Variants in TAFA4 observed in about 807,000 individuals in gnomAD.
TAFA4 encodes TAFA chemokine like family member 4, also known as chemokine-like protein TAFA-4.
A neutral mutation model predicts 21.1 loss-of-function variants in TAFA4; 20 were observed. The ratio of observed to expected loss-of-function variants is 0.95; its 90% CI spans 0.67 to 1.38. The LOEUF is 1.38. Ranked by LOEUF, TAFA4 falls within the 40% of genes most tolerant of loss-of-function variation. The pLI, the probability that TAFA4 is intolerant of heterozygous loss-of-function variation, is 0.00. For synonymous variants in TAFA4, 71 were observed against 67.4 expected, an observed-to-expected ratio of 1.05 and a Z score of -0.26; for missense variants, 211 against 180.9, an observed-to-expected ratio of 1.17 and a Z score of -0.95.
chr3:68,876,305 AC>A (rs1365018015), intron 3 of TAFA4, among the ~76,000 whole-genome samples: 2 of 152,162 alleles, frequency 1.3e-5, no homozygotes, highest in Non-Finnish European at 2.9e-5. Context: ...AGCCTTGCCT[AC>A]CCCCTAGTGT....
At chr3:68,736,354 C>T (rs554282829) in intron 5 of TAFA4, among the ~76,000 whole-genome samples, 15 of 152,110 alleles carry the variant, frequency 9.9e-5, no homozygotes, top group African/African-American at 2.4e-4. Flanking sequence ...TGAAAACTGT[C>T]GGCAGAGTAA....
intron 3 of TAFA4, among the ~76,000 whole-genome samples, chr3:68,832,589 G>A (rs1399006578): frequency 2.0e-5 from 3 of 152,172 alleles, no homozygotes; most frequent in Non-Finnish European, 4.4e-5. Context: ...CCTGTATGAG[G>A]ATCTGTCAGC....
intron 3 of TAFA4, among the ~76,000 whole-genome samples, chr3:68,822,272 A>G (rs1411723458): frequency 1.4e-4 from 21 of 152,178 alleles, no homozygotes. Context: ...AATTTCACCA[A>G]ATGAGCTATT....
In TAFA4 at chr3:68,932,363, C is replaced by T. The variant is rs1358624881; in HGVS notation, c.-246G>A. On this transcript the variant is annotated 5_prime_UTR_variant, in exon 1 of 6. Transcript: ENST00000295569. ...GGGAGCCCCGGGAGCGGCCCATCACCTCTGCAGCCTCGCCAGGAGAAGAAA... is the reference window on the plus strand; with the variant it reads ...GGGAGCCCCGGGAGCGGCCCATCACTTCTGCAGCCTCGCCAGGAGAAGAAA... 6.6e-6 allele frequency: 1 copy of T among 152,552 alleles called. No individual in the cohort carries two copies. The highest frequency in any genetic ancestry group is 1.9e-4 in the East Asian group (1 of 5,206). The allele number at this position is 152,552 out of a possible 1,614,324, so 9.4% of individuals were successfully genotyped here. A position where few individuals can be genotyped will look rare whatever the true frequency, so the allele number is the denominator to read the frequency against.
At chr3:68,784,251 T>G (rs1575607132) in intron 3 of TAFA4, among the ~76,000 whole-genome samples, 1 of 152,210 alleles carries the variant, frequency 6.6e-6, no homozygotes, top group East Asian at 1.9e-4. Flanking sequence ...GGCTATATTG[T>G]GAAAATATTG....
intron 1 of TAFA4, among the ~76,000 whole-genome samples, chr3:68,925,350 C>A (rs1182343985): frequency 1.3e-5 from 2 of 152,198 alleles, no homozygotes; most frequent in South Asian, 4.1e-4. Flanking sequence ...TACAATCTGG[C>A]TCCTACTGGA....
intron 3 of TAFA4, among the ~76,000 whole-genome samples, chr3:68,788,605 T>C (rs1703305348): frequency 6.6e-6 from 1 of 152,040 alleles, no homozygotes; most frequent in Non-Finnish European, 1.5e-5. Context: ...GTTTTAGGCG[T>C]TGTGTTTACA....
At chr3:68,880,156 T>C (rs577896175) in intron 3 of TAFA4, among the ~76,000 whole-genome samples, 2 of 151,910 alleles carry the variant, frequency 1.3e-5, no homozygotes, top group African/African-American at 2.4e-5. Flanking sequence ...TGAGTCTCAC[T>C]AGAAGTTATC....
chr3:68,750,309 G>C (rs1319038654), intron 4 of TAFA4, among the ~76,000 whole-genome samples: 1 of 152,098 alleles, frequency 6.6e-6, no homozygotes, highest in Non-Finnish European at 1.5e-5. Context: ...TTTTTAAAAG[G>C]GAAGACGAAT....
chr3:68,769,598 T>C (rs1702915929), intron 3 of TAFA4, among the ~76,000 whole-genome samples: 1 of 152,186 alleles, frequency 6.6e-6, no homozygotes, highest in Non-Finnish European at 1.5e-5. Flanking sequence ...AAATAATAAA[T>C]GCATGAGGTG....
chr3:68,871,569 A>G (rs2089483584), intron 3 of TAFA4, among the ~76,000 whole-genome samples: 1 of 152,092 alleles, frequency 6.6e-6, no homozygotes, highest in South Asian at 2.1e-4. Flanking sequence ...AAAAGCAAAA[A>G]TTTTCTGCAT....
At chr3:68,880,923 G>A (rs2089611036) in intron 2 of TAFA4, 78 bp from the exon 3 acceptor site, 30 of 1,151,180 alleles carry the variant, frequency 2.6e-5, no homozygotes, top group Admixed American at 5.9e-5. Context: ...CTAGGAAGGC[G>A]GGAGAAAGCA....
At chr3:68,899,422 A>G (rs2089823256) in intron 1 of TAFA4, among the ~76,000 whole-genome samples, 1 of 152,158 alleles carries the variant, frequency 6.6e-6, no homozygotes, top group South Asian at 2.1e-4. Flanking sequence ...TTCATTTCAA[A>G]AAAAGTTTTG....
intron 3 of TAFA4, among the ~76,000 whole-genome samples, chr3:68,836,105 AAAG>A (rs1218581750): frequency 2.0e-5 from 3 of 152,236 alleles, no homozygotes; most frequent in Non-Finnish European, 4.4e-5. Context: ...TACAGAGAAG[AAAG>A]AAGAAGGTAT....
At chr3:68,815,548 A>C (rs1456547865) in intron 3 of TAFA4, among the ~76,000 whole-genome samples, 2 of 152,206 alleles carry the variant, frequency 1.3e-5, no homozygotes, top group African/African-American at 2.4e-5. Flanking sequence ...ATGCAGCCAA[A>C]AGACGCATGA....
chr3:68,864,565 T>C (rs973146285), intron 3 of TAFA4, among the ~76,000 whole-genome samples: 17 of 152,110 alleles, frequency 1.1e-4, no homozygotes, highest in African/African-American at 1.4e-4. Flanking sequence ...ACACCTACCA[T>C]ATGAACCAGC....
intron 3 of TAFA4, among the ~76,000 whole-genome samples, chr3:68,783,230 T>G (rs1703183179): frequency 6.6e-6 from 1 of 152,178 alleles, no homozygotes; most frequent in African/African-American, 2.4e-5. Flanking sequence ...GCAGGAATAT[T>G]TGCTCTCACC....
chr3:68,903,528 T>C (rs2089864867), intron 1 of TAFA4, among the ~76,000 whole-genome samples: 2 of 152,218 alleles, frequency 1.3e-5, no homozygotes, highest in South Asian at 2.1e-4. Flanking sequence ...TTGAAGATCA[T>C]GTTGTTAAAT....
intron 3 of TAFA4, among the ~76,000 whole-genome samples, chr3:68,866,035 T>C (rs147498544): frequency 8.5e-4 from 129 of 152,236 alleles, no homozygotes; most frequent in African/African-American, 2.9e-3. Context: ...TCAGGGAAAC[T>C]ATTCCTGCTT....
Sources: gnomAD v4.1 joint callset for allele counts (sites outside exome capture counted in the v4.1 genomes callset) on GRCh38, gnomAD v4.1.1 for gene constraint, MANE v1.5 for transcripts, NCBI Gene and HGNC (gene_info 2026-07-23, HGNC 2026-07-21) for gene names.